FLRT1: variants seen among roughly 807,000 people sequenced by gnomAD.
The protein encoded by FLRT1 is leucine-rich repeat transmembrane protein FLRT1.
In FLRT1, 14 loss-of-function variants were observed where a neutral mutation model predicts 30.9. The ratio of observed to expected loss-of-function variants is 0.45; its 90% confidence interval spans 0.30 to 0.71. FLRT1 has a LOEUF of 0.71. FLRT1 is among the 30% of genes least tolerant of loss of function. The probability of loss-of-function intolerance (pLI) is 0.08; values close to 1 mark genes in which losing one functional copy is unlikely to be tolerated. For synonymous variants in FLRT1, 368 were observed against 430.4 expected (o/e 0.85, Z 1.80); for missense variants, 737 against 949.2 (o/e 0.78, Z 2.94).
At position 64,056,282 on chromosome 11, in the gene FLRT1, C is replaced by T. The variant is rs1441935281; in HGVS notation, c.-1038+20123C>T. On this transcript the variant is annotated intron_variant, in intron 1 of 2. Coordinates refer to ENST00000682287, the MANE Select transcript of FLRT1 (RefSeq NM_013280.5). ...AGGGAGCTAGGCCTCAGCCTGTCTC[C>T]AGGGTCCCTGCTGCAGCCCCTACAC... Among the ~76,000 whole-genome samples the T allele has an allele frequency of 2.6e-5, 4 of 152,214 alleles. No homozygotes were observed. In the East Asian group the frequency reaches 7.7e-4, roughly 29 times the overall value.
chr11:64,114,496 GATGGATGGATGA>G (rs1169376180), intron 2 of FLRT1, among the ~76,000 whole-genome samples: 1 of 150,782 alleles, frequency 6.6e-6, no homozygotes, highest in Non-Finnish European at 1.5e-5. Flanking sequence ...TGAATGGATG[GATGGATGGATGA>G]ATGGATGGAT....
At chr11:64,051,874 C>T (rs991489957) in intron 1 of FLRT1, among the ~76,000 whole-genome samples, 1 of 151,612 alleles carries the variant, frequency 6.6e-6, no homozygotes, top group East Asian at 2.0e-4. Flanking sequence ...GCCGTCCCAT[C>T]GTGGGGTCCT....
chr11:64,101,562 G>A (rs372486255), intron 1 of FLRT1, among the ~76,000 whole-genome samples: 1 of 152,092 alleles, frequency 6.6e-6, no homozygotes, highest in Non-Finnish European at 1.5e-5. Context: ...CAATTTCTGC[G>A]CCCCGGCCAG....
At chr11:64,111,212 T>C (rs1012886917) in intron 2 of FLRT1, among the ~76,000 whole-genome samples, 2 of 152,224 alleles carry the variant, frequency 1.3e-5, no homozygotes, top group Admixed American at 6.5e-5. Context: ...CTTAACAAGT[T>C]TGCCCCCTAC....
At chr11:64,086,735 A>C (rs980462304) in intron 1 of FLRT1, among the ~76,000 whole-genome samples, 2 of 152,152 alleles carry the variant, frequency 1.3e-5, no homozygotes, top group Non-Finnish European at 2.9e-5. Context: ...TCTCGTGCTC[A>C]CAGTACAGAG....
In FLRT1 at chr11:64,067,493, G is replaced by A. The variant is rs1378358715; in HGVS notation, c.-1038+31334G>A. ...GATAACAGAAGGGAGGAGATAGGTC[G>A]GGGACGGGGACAGACGGCACCTCCC... On this transcript the variant is annotated intron_variant, in intron 1 of 2. Coordinates refer to ENST00000682287, the MANE Select transcript of FLRT1 (RefSeq NM_013280.5). The surrounding 1 kb of genome is among the most constrained non-coding windows in gnomAD (Gnocchi z 4.6). Among the ~76,000 whole-genome samples, 1 of 152,086 alleles carries A rather than the reference G, an allele frequency of 6.6e-6. No homozygotes were observed. Among genetic ancestry groups the A allele is most frequent in the African/African-American group, 2.4e-5 (1 of 41,394 alleles).
chr11:64,084,638 A>G (rs994585366), intron 1 of FLRT1, among the ~76,000 whole-genome samples: 2 of 152,212 alleles, frequency 1.3e-5, no homozygotes, highest in Non-Finnish European at 2.9e-5. Flanking sequence ...GACCCAGCGC[A>G]TGGCAGTGGG....
rs930328080 is a variant in FLRT1, at chr11:64,118,366, T to C, written c.*74T>C. The C allele has an allele frequency of 6.2e-6, 9 of 1,463,310 alleles. No individual in the cohort carries two copies. Among genetic ancestry groups the C allele is most frequent in the Non-Finnish European group, 7.3e-6 (8 of 1,102,526 alleles). 90.6% of individuals were successfully genotyped at this position (1,463,310 alleles called of 1,614,324 possible). ...GGCCATGTGGCTTTGCCCAGCCTGCTGCAATCCAAGAGAGCAAGGAAGAGA... is the reference window on the plus strand; with the variant it reads ...GGCCATGTGGCTTTGCCCAGCCTGCCGCAATCCAAGAGAGCAAGGAAGAGA... On this transcript the variant is annotated 3_prime_UTR_variant, in exon 3 of 3. Transcript: ENST00000682287.
intron 1 of FLRT1, among the ~76,000 whole-genome samples, chr11:64,039,568 C>T (rs976495946): frequency 8.5e-5 from 13 of 152,092 alleles, no homozygotes; most frequent in Admixed American, 2.0e-4. Flanking sequence ...ACTGGATGGC[C>T]GGGAGGAGAC....
chr11:64,114,548 CATGGATGG>C (rs139254051), intron 2 of FLRT1, among the ~76,000 whole-genome samples: 75,836 of 135,770 alleles, frequency 0.56, 22,889 homozygotes, highest in Non-Finnish European at 0.69. Flanking sequence ...TGGATTGATG[CATGGATGG>C]ATGGATGGAT....
At chr11:64,076,777 G>A (rs891617590) in intron 1 of FLRT1, among the ~76,000 whole-genome samples, 3 of 152,190 alleles carry the variant, frequency 2.0e-5, no homozygotes, top group African/African-American at 7.2e-5. Flanking sequence ...AGCTAGCTAA[G>A]GTGGGACCCA....
chr11:64,108,712 G>T (rs538127470), intron 2 of FLRT1, among the ~76,000 whole-genome samples: 57 of 152,332 alleles, frequency 3.7e-4, no homozygotes, highest in African/African-American at 1.4e-3. Context: ...TGCCTGCACG[G>T]CATTCTCAGT....
rs1316282870 is a variant in FLRT1, at chr11:64,070,741, G to A, written c.-1037-32453G>A. ...AGCAAAACAGCTGCCTGCTCCTCCC[G>A]CTGCAATAAAAATGGATTTATTTGT... On this transcript the variant is annotated intron_variant, in intron 1 of 2. Coordinates refer to ENST00000682287, the MANE Select transcript of FLRT1 (RefSeq NM_013280.5). 2.6e-5 allele frequency among the ~76,000 whole-genome samples: 4 copies of A among 152,172 alleles called. No individual in the cohort carries two copies. In the East Asian group the frequency reaches 7.7e-4, roughly 29 times the overall value.
At chr11:64,115,673 C>G (rs1314514431) in intron 2 of FLRT1, among the ~76,000 whole-genome samples, 3 of 152,254 alleles carry the variant, frequency 2.0e-5, no homozygotes, top group Non-Finnish European at 4.4e-5. Context: ...CGACGCCCCC[C>G]TTTTGAGCTC....
chr11:64,109,467 A>T (rs750370300), intron 2 of FLRT1, among the ~76,000 whole-genome samples: 2 of 152,120 alleles, frequency 1.3e-5, no homozygotes, highest in Non-Finnish European at 2.9e-5. Flanking sequence ...GGTCTAATGC[A>T]CCGTGAGCAC....
At chr11:64,039,453 G>A (rs1943444588) in intron 1 of FLRT1, among the ~76,000 whole-genome samples, 1 of 152,208 alleles carries the variant, frequency 6.6e-6, no homozygotes, top group Admixed American at 6.5e-5. Context: ...GTGTTGTTCT[G>A]CCGGAGACAA....
chr11:64,049,819 C>G (rs1289533279), intron 1 of FLRT1, among the ~76,000 whole-genome samples: 4 of 152,174 alleles, frequency 2.6e-5, no homozygotes, highest in Non-Finnish European at 5.9e-5. Context: ...CTGCAGACTC[C>G]CTGCTTGCTA....
intron 1 of FLRT1, among the ~76,000 whole-genome samples, chr11:64,041,032 TAATTAAAAC>T (rs1359638509): frequency 6.6e-6 from 1 of 151,694 alleles, no homozygotes; most frequent in Admixed American, 6.6e-5. Flanking sequence ...GGCTTATACT[TAATTAAAAC>T]TGGGATTAAA....
At chr11:64,039,961 T>C (rs980210462) in intron 1 of FLRT1, among the ~76,000 whole-genome samples, 2 of 152,232 alleles carry the variant, frequency 1.3e-5, no homozygotes, top group African/African-American at 4.8e-5. Flanking sequence ...CCAGTGCTCC[T>C]CTGGCACGCC....
Sources: allele counts gnomAD v4.1 joint callset (sites outside exome capture counted in the v4.1 genomes callset), GRCh38; gene constraint gnomAD v4.1.1; non-coding constraint Gnocchi (gnomAD v3.1); transcripts MANE v1.5; gene names NCBI Gene and HGNC (gene_info 2026-07-23, HGNC 2026-07-21).